Variants in MIA2 observed in about 807,000 individuals in gnomAD.
MIA2 encodes the protein melanoma inhibitory activity protein 2.
A neutral mutation model predicts 167.8 loss-of-function variants in MIA2; 127 were observed. The ratio of observed to expected loss-of-function variants is 0.76; its 90% CI spans 0.66 to 0.88. MIA2 has a LOEUF of 0.88. MIA2 is among the 40% of genes least tolerant of loss of function. The probability of loss-of-function intolerance (pLI) is 0.00; values close to 1 mark genes in which losing one functional copy is unlikely to be tolerated. For synonymous variants in MIA2, 552 were observed against 541.9 expected (o/e 1.02, Z -0.26); for missense variants, 1,690 against 1,624.7 (o/e 1.04, Z -0.69).
intron 6 of MIA2, among the ~76,000 whole-genome samples, chr14:39,267,796 C>T (rs1474520182): frequency 6.6e-6 from 1 of 152,188 alleles, no homozygotes; most frequent in Admixed American, 6.5e-5. Flanking sequence ...AAATGTTTCC[C>T]GATTCCTAAA....
chr14:39,269,923 T>G (rs1327756917), intron 6 of MIA2, among the ~76,000 whole-genome samples: 1 of 152,238 alleles, frequency 6.6e-6, no homozygotes, highest in African/African-American at 2.4e-5. Context: ...TTGGCTATTA[T>G]GAATAATGCT....
chr14:39,259,179 A>G (rs2054958973), intron 6 of MIA2, among the ~76,000 whole-genome samples: 1 of 152,232 alleles, frequency 6.6e-6, no homozygotes, highest in African/African-American at 2.4e-5. Flanking sequence ...GATTAAATCC[A>G]CAGAAGCTCT....
chr14:39,238,815 A>C (rs1023412648), intron 2 of MIA2, among the ~76,000 whole-genome samples: 1 of 105,786 alleles, frequency 9.5e-6, no homozygotes, highest in African/African-American at 3.7e-5. Flanking sequence ...AAAAAAACCC[A>C]AAAAACAAAA....
In MIA2 at chr14:39,314,743, C is replaced by A; in HGVS notation, c.3124C>A (p.Arg1042=). The A allele has an allele frequency of 6.3e-7, 1 of 1,586,732 alleles. No individual in the cohort carries two copies. Among genetic ancestry groups the A allele is most frequent in the South Asian group, 1.1e-5 (1 of 89,466 alleles). Residue 1042 remains arginine (R), a synonymous_variant, in exon 20 of 29, where the codon CGA becomes AGA. Transcript: ENST00000640607. ...ATAATTATTCGTTCCATTTAGAAAG[C>A]GAGCCAAAGATCTTGAAGAAGAATT... ...ATEELETYRK[R]AKDLEEELER... is the part of the protein sequence containing the mutation.
intron 9 of MIA2, among the ~76,000 whole-genome samples, chr14:39,283,635 C>G (rs1314797483): frequency 6.6e-6 from 1 of 152,024 alleles, no homozygotes; most frequent in Non-Finnish European, 1.5e-5. Flanking sequence ...GTAGAGGGTT[C>G]CCTTTTCTCC....
At chr14:39,277,726 A>ATATATATATATATATATATGTGTG (rs2058314032) in intron 7 of MIA2, among the ~76,000 whole-genome samples, 2 of 3,900 alleles carry the variant, frequency 5.1e-4, no homozygotes, top group South Asian at 6.1e-3. Flanking sequence ...GTGTGTATAT[A>ATATATATATATATATATATGTGTG]TATATATATA....
intron 23 of MIA2, among the ~76,000 whole-genome samples, chr14:39,384,909 A>G (rs2075244435): frequency 6.6e-6 from 1 of 152,364 alleles, no homozygotes; most frequent in South Asian, 2.1e-4. Flanking sequence ...GACAAATCCA[A>G]CTACCTTTTA....
downstream of MIA2, among the ~76,000 whole-genome samples, chr14:39,355,261 C>G (rs1384672978): frequency 6.6e-6 from 1 of 152,140 alleles, no homozygotes; most frequent in Non-Finnish European, 1.5e-5. Context: ...TCTTCTTGAA[C>G]AGGTTCTTCA....
At chr14:39,348,639 A>G in intron 27 of MIA2, 104 bp from the exon 28 acceptor site, 2 of 1,477,278 alleles carry the variant, frequency 1.4e-6, no homozygotes, top group Non-Finnish European at 1.9e-6. Context: ...TAAGACTATC[A>G]TGGAATGCTT....
chr14:39,368,680 CTTTTTTTTGTTTT>C (rs1246929701), intron 23 of MIA2, among the ~76,000 whole-genome samples: 1 of 102,610 alleles, frequency 9.7e-6, no homozygotes, highest in Non-Finnish European at 2.2e-5. Context: ...TTTTTCTTTT[CTTTTTTTTGTTTT>C]TTTTTTTGGT....
Position 39,350,170 on chromosome 14 carries a change from C to T in MIA2, c.4145C>T (p.Pro1382Leu). 6.9e-7 allele frequency: 1 copy of T among 1,445,688 alleles called. No individual in the cohort carries two copies. Among genetic ancestry groups the T allele is most frequent in the Non-Finnish European group, 9.5e-7 (1 of 1,057,798 alleles). 89.6% of individuals were successfully genotyped at this position (1,445,688 alleles called of 1,614,324 possible). A position where few individuals can be genotyped will look rare whatever the true frequency, so the allele number is the denominator to read the frequency against. ...PPRPGFFPPPPHSEGRSEFPS... is the reference protein window; with the variant it reads ...PPRPGFFPPPLHSEGRSEFPS... ...AGACCTGGATTTTTCCCCCCACCCC[C>T]ACATTCTGAAGGTAGAAGTGAGTTC... Residue 1382 changes from proline (P) to leucine (L), a missense_variant, in exon 29 of 29, where the codon CCA (proline) becomes CTA (leucine). Pro to Leu is a moderately conservative substitution (Grantham distance 98). Coordinates refer to ENST00000640607, the MANE Select transcript of MIA2 (RefSeq NM_001329214.4).
rs149963978 is a variant in MIA2 at position 39,252,785 on chromosome 14, C to T, written c.1605C>T (p.His535=). The part of the protein sequence containing the change: ...VSNIELPTRI[H]EEVYFEPSSS... ...ACATAGAGTTACCTACGAGAATTCA[C>T]GAAGAAGTATATTTTGAACCCTCAT... Residue 535 remains histidine, a synonymous_variant, in exon 5 of 29, where the codon CAC becomes CAT. Transcript: ENST00000640607. 258 of 1,613,324 alleles carry T rather than the reference C, an allele frequency of 1.6e-4. 2 individuals are homozygous for T. In the Admixed American group the frequency reaches 2.2e-3, roughly 13 times the overall value.
rs747928910 is a variant in MIA2 at position 39,299,878 on chromosome 14, T to C, written c.2511T>C (p.Ala837=). 6 of 1,603,694 alleles carry C rather than the reference T, an allele frequency of 3.7e-6. No individual in the cohort carries two copies. Among genetic ancestry groups the C allele is most frequent in the Non-Finnish European group, 4.2e-6 (5 of 1,177,528 alleles). ...QESQKQLLQE[A]EVWKEQVSEL... ...TTCATTTTCAGCTTTTGCAAGAAGCTGAAGTATGGAAAGAACAAGTGAGTG... is the reference window on the plus strand; with the variant it reads ...TTCATTTTCAGCTTTTGCAAGAAGCCGAAGTATGGAAAGAACAAGTGAGTG... Residue 837 remains alanine, a synonymous_variant, in exon 14 of 29, where the codon GCT becomes GCC. Transcript: ENST00000640607.
chr14:39,384,509 A>T (rs1029375992), intron 23 of MIA2, among the ~76,000 whole-genome samples: 81 of 151,636 alleles, frequency 5.3e-4, no homozygotes, highest in African/African-American at 1.8e-3. Flanking sequence ...TATTTTTTTA[A>T]TTTTTTTTTA....
rs569546809 is a variant in MIA2, at chr14:39,283,976, A to AT, written c.2130+4447dup. ...ATTGTGTTTACTTGTGTATATTTTT[A>AT]TTTTTTTTACCTTGCAGCTTCACCT... is the stretch of plus-strand genomic sequence containing the variant. On this transcript the variant is annotated intron_variant, in intron 9 of 28. Coordinates refer to ENST00000640607, the MANE Select transcript of MIA2 (RefSeq NM_001329214.4). Among the ~76,000 whole-genome samples, 88 of 151,280 alleles carry AT rather than the reference A, an allele frequency of 5.8e-4. 2 individuals are homozygous for AT. In the South Asian group the frequency reaches 0.014, roughly 23 times the overall value.
Position 39,325,061 on chromosome 14 carries a change from A to G in MIA2, c.3497-1803A>G, listed in dbSNP as rs562129638. On this transcript the variant is annotated intron_variant, in intron 24 of 28. Transcript: ENST00000640607. The stretch of plus-strand genomic sequence containing the variant: ...AACATGGCAAAACCCTGTATCTACA[A>G]AAAATACAACAATTAACAAAGCGTG... Among the ~76,000 whole-genome samples, 452 of 152,258 alleles carry G rather than the reference A, an allele frequency of 3.0e-3. 2 individuals carry two copies. Among genetic ancestry groups the G allele is most frequent in the Non-Finnish European group, 3.9e-3 (267 of 68,018 alleles).
chr14:39,347,391 AG>A (rs2073521297), intron 26 of MIA2, among the ~76,000 whole-genome samples: 1 of 152,056 alleles, frequency 6.6e-6, no homozygotes, highest in Non-Finnish European at 1.5e-5. Context: ...AGAGGATAGG[AG>A]GCAAACATAA....
intron 6 of MIA2, among the ~76,000 whole-genome samples, chr14:39,259,904 T>C (rs1275017625): frequency 6.6e-6 from 1 of 152,020 alleles, no homozygotes; most frequent in Non-Finnish European, 1.5e-5. Context: ...TTCCCCACTC[T>C]GTGTCCAAGC....
chr14:39,309,348 C>G (rs961085055), intron 18 of MIA2, among the ~76,000 whole-genome samples: 1 of 152,178 alleles, frequency 6.6e-6, no homozygotes, highest in Non-Finnish European at 1.5e-5. Flanking sequence ...ATATCTTGGC[C>G]TACAAGACAG....
Sources: allele counts gnomAD v4.1 joint callset (sites outside exome capture counted in the v4.1 genomes callset), GRCh38; gene constraint gnomAD v4.1.1; transcripts MANE v1.5; gene names NCBI Gene and HGNC (gene_info 2026-07-23, HGNC 2026-07-21).